RAB20: variants seen among roughly 807,000 people sequenced by gnomAD.
The protein encoded by RAB20 is RAB20, member RAS oncogene family, also known as ras-related protein Rab-20.
A neutral mutation model predicts 3.7 loss-of-function variants in RAB20; 2 were observed. The observed-to-expected ratio is 0.54, with a 90% CI of 0.22 to 1.69. The LOEUF is 1.69. Ranked by LOEUF, RAB20 falls within the 40% of genes most tolerant of loss-of-function variation. The pLI is 0.19. For missense variants in RAB20, 276 were observed against 311.9 expected, an observed-to-expected ratio of 0.88 and a Z score of 0.87; for synonymous variants, 126 against 130.8, an observed-to-expected ratio of 0.96 and a Z score of 0.25.
At chr13:110,559,475 G>A (rs925529253) in intron 1 of RAB20, among the ~76,000 whole-genome samples, 2 of 151,900 alleles carry the variant, frequency 1.3e-5, no homozygotes, top group Admixed American at 6.6e-5. Flanking sequence ...TCAAGTACCC[G>A]GTCAGGCCAC....
intron 1 of RAB20, among the ~76,000 whole-genome samples, chr13:110,528,685 C>T (rs148319422): frequency 9.9e-5 from 15 of 152,222 alleles, no homozygotes; most frequent in African/African-American, 3.4e-4. Flanking sequence ...AAAGGGAGAA[C>T]CGTGTTGATG....
At chr13:110,547,876 C>A (rs1388940307) in intron 1 of RAB20, among the ~76,000 whole-genome samples, 1 of 152,216 alleles carries the variant, frequency 6.6e-6, no homozygotes, top group African/African-American at 2.4e-5. Context: ...TCAGCCTACA[C>A]AACAGTATTG....
chr13:110,541,236 GAAAGCT>G (rs1884757254), intron 1 of RAB20, among the ~76,000 whole-genome samples: 3 of 152,192 alleles, frequency 2.0e-5, no homozygotes, highest in Admixed American at 2.0e-4. Context: ...CTCAAGCAGT[GAAAGCT>G]GACCCCCAGG....
intron 1 of RAB20, among the ~76,000 whole-genome samples, chr13:110,547,472 A>G (rs529615343): frequency 6.6e-6 from 1 of 152,310 alleles, no homozygotes; most frequent in South Asian, 2.1e-4. Context: ...CACCCCATGC[A>G]CGAAATAGAA....
chr13:110,539,192 G>T (rs1339463152), intron 1 of RAB20, among the ~76,000 whole-genome samples: 3 of 152,140 alleles, frequency 2.0e-5, no homozygotes. Flanking sequence ...GACAATTAAA[G>T]GGCATTCAAA....
chr13:110,532,543 A>G (rs1200817815), intron 1 of RAB20, among the ~76,000 whole-genome samples: 1 of 152,022 alleles, frequency 6.6e-6, no homozygotes, highest in Non-Finnish European at 1.5e-5. Context: ...AGCCCAGCTA[A>G]TTTTTGTACT....
chr13:110,559,497 G>A (rs1885097165), intron 1 of RAB20, among the ~76,000 whole-genome samples: 2 of 152,180 alleles, frequency 1.3e-5, no homozygotes, highest in African/African-American at 4.8e-5. Flanking sequence ...GGCCACCGAG[G>A]AGGCAGGCAA....
chr13:110,541,209 G>C (rs961747357), intron 1 of RAB20, among the ~76,000 whole-genome samples: 7 of 152,160 alleles, frequency 4.6e-5, no homozygotes, highest in African/African-American at 7.2e-5. Context: ...TCACGGTCAC[G>C]GCGCAGCAAC....
chr13:110,530,210 G>C (rs1225205897), intron 1 of RAB20, among the ~76,000 whole-genome samples: 2 of 110,108 alleles, frequency 1.8e-5, no homozygotes, highest in Admixed American at 1.8e-4. Flanking sequence ...GGGGAGGCAG[G>C]TCCCACCCGC....
intron 1 of RAB20, among the ~76,000 whole-genome samples, chr13:110,536,714 T>TC (rs1884644675): frequency 4.9e-5 from 1 of 20,368 alleles, no homozygotes; most frequent in East Asian, 1.6e-3. Context: ...CTAAAATGGC[T>TC]TTTTTTTGGG....
In RAB20 at chr13:110,523,098, A is replaced by T; in HGVS notation, c.*567T>A. 1 of 390,942 alleles carries T rather than the reference A, an allele frequency of 2.6e-6. No homozygotes were observed. Among genetic ancestry groups the T allele is most frequent in the African/African-American group, 2.1e-5 (1 of 48,638 alleles). 24.2% of individuals were successfully genotyped at this position (390,942 alleles called of 1,614,324 possible). A position where few individuals can be genotyped will look rare whatever the true frequency, so the allele number is the denominator to read the frequency against. ...TTCCAAAAATCCTCTTTAATAATACATGTAGCCAACATTGCTGCAATCAGT... is the reference window on the plus strand; with the variant it reads ...TTCCAAAAATCCTCTTTAATAATACTTGTAGCCAACATTGCTGCAATCAGT... On this transcript the variant is annotated 3_prime_UTR_variant, in exon 2 of 2. Coordinates refer to ENST00000267328, the MANE Select transcript of RAB20 (RefSeq NM_017817.3).
chr13:110,558,404 A>C (rs1885076184), intron 1 of RAB20, among the ~76,000 whole-genome samples: 1 of 128,864 alleles, frequency 7.8e-6, no homozygotes, highest in Non-Finnish European at 1.6e-5. Flanking sequence ...TTTTTTTGAG[A>C]CAGAGTCTTA....
rs188386427 is a variant in RAB20 at position 110,551,128 on chromosome 13, C to T, written c.172+10220G>A. ...ACTTAGTTTCAAAAATATCACAGAG[C>T]AAAACATTACATTCTATGGAAAACT... On this transcript the variant is annotated intron_variant, in intron 1 of 1. Transcript: ENST00000267328. 3.3e-3 allele frequency among the ~76,000 whole-genome samples: 498 copies of T among 152,194 alleles called. 4 individuals are homozygous for T. Among genetic ancestry groups the T allele is most frequent in the Middle Eastern group, 6.8e-3 (2 of 294 alleles).
intron 1 of RAB20, among the ~76,000 whole-genome samples, chr13:110,548,611 C>T (rs1884895574): frequency 6.6e-6 from 1 of 152,084 alleles, no homozygotes; most frequent in Non-Finnish European, 1.5e-5. Context: ...TTGGTTAGGT[C>T]TGTTCTGTTC....
chr13:110,548,422 T>G (rs531506584), intron 1 of RAB20, among the ~76,000 whole-genome samples: 4 of 148,994 alleles, frequency 2.7e-5, no homozygotes, highest in African/African-American at 9.9e-5. Flanking sequence ...AGGTGGAGGT[T>G]GCAGTGAGCC....
chr13:110,549,489 G>A (rs1884911866), intron 1 of RAB20, among the ~76,000 whole-genome samples: 1 of 152,102 alleles, frequency 6.6e-6, no homozygotes, highest in Non-Finnish European at 1.5e-5. Flanking sequence ...TATAATGTTG[G>A]GTGCCTTAGG....
At chr13:110,529,396 C>T (rs1372135401) in intron 1 of RAB20, among the ~76,000 whole-genome samples, 1 of 152,166 alleles carries the variant, frequency 6.6e-6, no homozygotes, top group Non-Finnish European at 1.5e-5. Context: ...TCCCTGGAAA[C>T]AGGATCAGGC....
intron 1 of RAB20, among the ~76,000 whole-genome samples, chr13:110,539,892 G>A (rs1884726636): frequency 6.6e-6 from 1 of 152,184 alleles, no homozygotes; most frequent in Non-Finnish European, 1.5e-5. Context: ...ATCTGCATGT[G>A]TCATTTCTGT....
intron 1 of RAB20, among the ~76,000 whole-genome samples, chr13:110,559,695 G>A (rs1366930220): frequency 6.6e-6 from 1 of 152,230 alleles, no homozygotes; most frequent in East Asian, 1.9e-4. Context: ...CCCCAGTAAC[G>A]CTTCAAGACA....
Sources: allele counts gnomAD v4.1 joint callset (sites outside exome capture counted in the v4.1 genomes callset), GRCh38; gene constraint gnomAD v4.1.1; transcripts MANE v1.5; gene names NCBI Gene and HGNC (gene_info 2026-07-23, HGNC 2026-07-21).